Variants in MYADML2 observed in about 807,000 individuals in gnomAD.
The protein encoded by MYADML2 is myeloid-associated differentiation marker-like protein 2.
A neutral mutation model predicts 16.0 loss-of-function variants in MYADML2; 17 were observed. That is an observed-to-expected ratio of 1.06 (90% CI 0.73 to 1.60). The LOEUF is 1.60. Among genes scored for constraint, MYADML2 ranks in the 40% most tolerant of loss-of-function variants. The probability of loss-of-function intolerance (pLI) is 0.00; values close to 1 mark genes in which losing one functional copy is unlikely to be tolerated. For synonymous variants in MYADML2, 210 were observed against 208.1 expected, an observed-to-expected ratio of 1.01 and a Z score of -0.08; for missense variants, 422 against 437.7, an observed-to-expected ratio of 0.96 and a Z score of 0.32.
In MYADML2 at chr17:81,940,762, C is replaced by A; in HGVS notation, c.*56G>T. 6.9e-7 allele frequency: 1 copy of A among 1,453,936 alleles called. No individual in the cohort carries two copies. The highest frequency in any genetic ancestry group is 1.4e-5 in the South Asian group (1 of 69,754). 90.1% of individuals were successfully genotyped at this position (1,453,936 alleles called of 1,614,324 possible). A position where few individuals can be genotyped will look rare whatever the true frequency, so the allele number is the denominator to read the frequency against. On this transcript the variant is annotated 3_prime_UTR_variant, in exon 3 of 3. Coordinates refer to ENST00000409745, the MANE Select transcript of MYADML2 (RefSeq NM_001145113.3). ...CACTTTGGTTCACCTGAGTTTCCCT[C>A]GCAGAGCCTGGAGCTGGTGGCCAGA...
intron 1 of MYADML2, among the ~76,000 whole-genome samples, chr17:81,945,265 T>A (rs9915229): frequency 6.7e-6 from 1 of 149,206 alleles, no homozygotes; most frequent in Non-Finnish European, 1.5e-5. Flanking sequence ...ATTGGCTGGG[T>A]GCGGTGGCTC....
Position 81,941,497 on chromosome 17 carries a change from A to T in MYADML2, c.245T>A (p.Leu82His). ...GGCGGCGGTGAAGTTGCCCCAGGAG[A>T]GCCGCAGGCAGCCGTGGAGCCGTGT... ...EFTRLHGCLRLSWGNFTAAFA... is the reference protein window; with the variant it reads ...EFTRLHGCLRHSWGNFTAAFA... Residue 82 changes from leucine to histidine, a missense_variant, in exon 3 of 3, where the codon CTC becomes CAC. Transcript: ENST00000409745. 1 of 1,548,250 alleles carries T rather than the reference A, an allele frequency of 6.5e-7. No homozygotes were observed. The highest frequency in any genetic ancestry group is 8.7e-7 in the Non-Finnish European group (1 of 1,146,214).
In MYADML2 at chr17:81,941,540, C is replaced by T. The variant is rs1443844289; in HGVS notation, c.202G>A (p.Val68Met). ...WGFCFAVSAL[V>M]VACEFTRLHG... is the part of the protein sequence containing the mutation. ...AGCCGTGTGAACTCACAGGCCACCA[C>T]CAGCGCAGAGACGGCGAAGCAGAAG... The change falls in exon 3 of 3, where the codon GTG (valine) becomes ATG (methionine). Residue 68 changes from valine to methionine, a missense_variant. Physicochemically the swap from Val to Met is conservative, Grantham distance 21. Coordinates refer to ENST00000409745, the MANE Select transcript of MYADML2 (RefSeq NM_001145113.3). 6.5e-7 allele frequency: 1 copy of T among 1,548,372 alleles called. No homozygotes were observed. Among genetic ancestry groups the T allele is most frequent in the Non-Finnish European group, 8.7e-7 (1 of 1,146,690 alleles).
chr17:81,945,602 T>C (rs2041339002), intron 1 of MYADML2, among the ~76,000 whole-genome samples: 1 of 149,450 alleles, frequency 6.7e-6, no homozygotes, highest in South Asian at 2.1e-4. Context: ...CTGGGGAGGC[T>C]GAGGTAGGAG....
rs1392119045 is a variant in MYADML2, at chr17:81,941,304, C to T, written c.438G>A (p.Val146=). The T allele has an allele frequency of 5.8e-6, 9 of 1,549,940 alleles. No homozygotes were observed. Among genetic ancestry groups the T allele is most frequent in the South Asian group, 1.2e-5 (1 of 84,050 alleles). Residue 146 remains valine (V), a synonymous_variant, in exon 3 of 3, where the codon GTG becomes GTA. Transcript: ENST00000409745. The part of the protein sequence containing the change: ...GLLFLAYAVE[V]ALTRARPGQV... The stretch of plus-strand genomic sequence containing the variant: ...GGCCGGGCCGGGCCCGCGTCAGGGC[C>T]ACCTCCACAGCGTAGGCCAGGAAGA...
At chr17:81,945,538 C>T (rs952062392) in intron 1 of MYADML2, among the ~76,000 whole-genome samples, 24 of 136,532 alleles carry the variant, frequency 1.8e-4, no homozygotes, top group Admixed American at 7.4e-4. Flanking sequence ...GACTCTGTCT[C>T]AAAAAAAAAA....
intron 1 of MYADML2, among the ~76,000 whole-genome samples, chr17:81,943,838 G>A (rs1395556588): frequency 2.6e-5 from 4 of 151,462 alleles, no homozygotes; most frequent in Non-Finnish European, 4.4e-5. Context: ...AGCCGGGCGC[G>A]GTGGCTCACA....
In MYADML2 at chr17:81,942,744, G is replaced by C. The variant is rs1199849768; in HGVS notation, c.-180-371C>G. Among the ~76,000 whole-genome samples the C allele has an allele frequency of 1.3e-5, 2 of 152,104 alleles. No homozygotes were observed. Among genetic ancestry groups the C allele is most frequent in the East Asian group, 1.9e-4 (1 of 5,158 alleles). Reference sequence around the variant, plus strand: ...TTTTTTGTATTTTTAATAGAGACCGGGTTTCACCATGTTGGCCAGGCTGGT... The same window carrying C: ...TTTTTTGTATTTTTAATAGAGACCGCGTTTCACCATGTTGGCCAGGCTGGT... On this transcript the variant is annotated intron_variant, in intron 1 of 2. Coordinates refer to ENST00000409745, the MANE Select transcript of MYADML2 (RefSeq NM_001145113.3). This position sits in a 1 kb window ranked among gnomAD's most constrained non-coding sequence, Gnocchi z 4.4.
At position 81,941,783 on chromosome 17, in the gene MYADML2, C is replaced by T. The variant is rs185843878; in HGVS notation, c.-42G>A. On this transcript the variant is annotated 5_prime_UTR_variant, in exon 3 of 3. Coordinates refer to ENST00000409745, the MANE Select transcript of MYADML2 (RefSeq NM_001145113.3). Reference sequence around the variant, plus strand: ...CCAGCTCACACAGTCCCCCAAGGCCCTGGGGTCCCTGCTGGGCCAAGGCCC... The same window carrying T: ...CCAGCTCACACAGTCCCCCAAGGCCTTGGGGTCCCTGCTGGGCCAAGGCCC... 1.8e-5 allele frequency: 27 copies of T among 1,459,698 alleles called. No individual in the cohort carries two copies. The highest frequency in any genetic ancestry group is 1.9e-5 in the Non-Finnish European group (21 of 1,101,322). 90.4% of individuals were successfully genotyped at this position (1,459,698 alleles called of 1,614,324 possible). A position where few individuals can be genotyped will look rare whatever the true frequency, so the allele number is the denominator to read the frequency against.
chr17:81,941,434 G>T lies in MYADML2; in HGVS notation c.308C>A (p.Ala103Glu). ...GGCAAAGTACAGCGGATACAGGACCGCAGCCGTCGCGCATAGCAGGGTGGC... is the reference window on the plus strand; with the variant it reads ...GGCAAAGTACAGCGGATACAGGACCTCAGCCGTCGCGCATAGCAGGGTGGC... The part of the protein sequence containing the change: ...MLATLLCATA[A>E]VLYPLYFARR... The change falls in exon 3 of 3, where the codon GCG (alanine) becomes GAG (glutamate). Residue 103 changes from alanine to glutamate, a missense_variant. Coordinates refer to ENST00000409745, the MANE Select transcript of MYADML2 (RefSeq NM_001145113.3). 6.5e-7 allele frequency: 1 copy of T among 1,549,288 alleles called. No homozygotes were observed. Among genetic ancestry groups the T allele is most frequent in the Non-Finnish European group, 8.7e-7 (1 of 1,146,606 alleles).
chr17:81,943,279 C>T (rs943923194), intron 1 of MYADML2, among the ~76,000 whole-genome samples: 17 of 151,632 alleles, frequency 1.1e-4, no homozygotes, highest in African/African-American at 3.4e-4. Flanking sequence ...CCATGTTAGC[C>T]AGGATGGTCT....
chr17:81,942,068 C>T lies in MYADML2; in HGVS notation c.-102-225G>A. 3.8e-6 allele frequency: 1 copy of T among 266,324 alleles called. No homozygotes were observed. The highest frequency in any genetic ancestry group is 7.1e-6 in the Non-Finnish European group (1 of 140,690). The allele number at this position is 266,324 out of a possible 1,614,324, so 16.5% of individuals were successfully genotyped here. ...CTGCTGGCACCACCCCCACCTCCGC[C>T]TCCCGCGCACCTGCATCTGTCAATC... is the stretch of plus-strand genomic sequence containing the variant. On this transcript the variant is annotated intron_variant, in intron 2 of 2. Coordinates refer to ENST00000409745, the MANE Select transcript of MYADML2 (RefSeq NM_001145113.3). This position sits in a 1 kb window ranked among gnomAD's most constrained non-coding sequence, Gnocchi z 4.4.
intron 1 of MYADML2, among the ~76,000 whole-genome samples, chr17:81,944,229 A>G (rs2041326786): frequency 6.6e-6 from 1 of 151,884 alleles, no homozygotes; most frequent in African/African-American, 2.4e-5. Context: ...ACACAGTGAA[A>G]CCCCGTCTCT....
chr17:81,944,734 C>T (rs1309743671), intron 1 of MYADML2, among the ~76,000 whole-genome samples: 2 of 152,192 alleles, frequency 1.3e-5, no homozygotes, highest in Admixed American at 6.5e-5. Flanking sequence ...TCTAGCCCCA[C>T]TTGCAGCCTC....
At chr17:81,943,837 C>T (rs748504256) in intron 1 of MYADML2, among the ~76,000 whole-genome samples, 8 of 151,982 alleles carry the variant, frequency 5.3e-5, no homozygotes, top group East Asian at 3.9e-4. Flanking sequence ...CAGCCGGGCG[C>T]GGTGGCTCAC....
chr17:81,941,640 G>T lies in MYADML2; in HGVS notation c.102C>A (p.Cys34Ter), dbSNP rs1431284806. ...GGTGGGCCACCAGGCTGAAGGTAGT[G>T]CAGCCAAAGGCCAGCTGCAGCACGC... ...TARVLQLAFG[C>*]TTFSLVAHRG... The change falls in exon 3 of 3, where the codon TGC becomes TGA. Residue 34 changes from cysteine to a stop codon, truncating the protein, a stop_gained. Coordinates refer to ENST00000409745, the MANE Select transcript of MYADML2 (RefSeq NM_001145113.3). LOFTEE classifies it high-confidence loss of function. The T allele has an allele frequency of 7.1e-6, 11 of 1,549,354 alleles. No homozygotes were observed. The highest frequency in any genetic ancestry group is 9.6e-6 in the Non-Finnish European group (11 of 1,146,844).
At chr17:81,946,225 G>C (rs1048831103) in intron 1 of MYADML2, among the ~76,000 whole-genome samples, 4 of 151,764 alleles carry the variant, frequency 2.6e-5, no homozygotes, top group Non-Finnish European at 5.9e-5. Flanking sequence ...CGTGGTGGTG[G>C]GTGCCTGTAG....
At position 81,939,941 on chromosome 17, in the gene MYADML2, C is replaced by G. The variant is rs1206354102; in HGVS notation, c.*877G>C. ...GGCTCCCTCCCAGTGCCACAGATGCCCACAGTGCACAGATGCCCGCCGGGC... is the reference window on the plus strand; with the variant it reads ...GGCTCCCTCCCAGTGCCACAGATGCGCACAGTGCACAGATGCCCGCCGGGC... On this transcript the variant is annotated 3_prime_UTR_variant, in exon 3 of 3. Coordinates refer to ENST00000409745, the MANE Select transcript of MYADML2 (RefSeq NM_001145113.3). 2 of 152,348 alleles carry G rather than the reference C, an allele frequency of 1.3e-5. No individual in the cohort carries two copies. The highest frequency in any genetic ancestry group is 2.9e-5 in the Non-Finnish European group (2 of 68,142). The allele number at this position is 152,348 out of a possible 1,614,324, so 9.4% of individuals were successfully genotyped here. A position where few individuals can be genotyped will look rare whatever the true frequency, so the allele number is the denominator to read the frequency against.
chr17:81,941,825 A>G lies in MYADML2; in HGVS notation c.-84T>C. ...CCAAGGCCCCTCAGTCCTCTGCGGT[A>G]GTGGCAGGTGCCTGCAGCCTGCAGA... On this transcript the variant is annotated 5_prime_UTR_variant, in exon 3 of 3. Transcript: ENST00000409745. The G allele has an allele frequency of 7.6e-7, 1 of 1,312,802 alleles. No homozygotes were observed. Among genetic ancestry groups the G allele is most frequent in the South Asian group, 1.6e-5 (1 of 63,472 alleles). The allele number at this position is 1,312,802 out of a possible 1,614,324, so 81.3% of individuals were successfully genotyped here. A position where few individuals can be genotyped will look rare whatever the true frequency, so the allele number is the denominator to read the frequency against.
Sources: allele counts gnomAD v4.1 joint callset (sites outside exome capture counted in the v4.1 genomes callset), GRCh38; gene constraint gnomAD v4.1.1; non-coding constraint Gnocchi (gnomAD v3.1); transcripts MANE v1.5; gene names NCBI Gene and HGNC (gene_info 2026-07-23, HGNC 2026-07-21).